Variants in RIMS2 observed in about 807,000 individuals in gnomAD.
RIMS2 encodes the protein regulating synaptic membrane exocytosis 2, also known as regulating synaptic membrane exocytosis protein 2.
RIMS2 carries 59 observed loss-of-function variants against 174.4 expected under a neutral mutation model. The ratio of observed to expected loss-of-function variants is 0.34; its 90% confidence interval spans 0.27 to 0.42. RIMS2 has a LOEUF of 0.42. Ranked by LOEUF, RIMS2 falls within the 10% of genes least tolerant of loss-of-function variation. The pLI is 1.00. For missense variants in RIMS2, 1,620 were observed against 1,666.3 expected (o/e 0.97, Z 0.48); for synonymous variants, 606 against 572.5 (o/e 1.06, Z -0.84).
chr8:103,895,960 G>C (rs1474499708), intron 4 of RIMS2, among the ~76,000 whole-genome samples: 1 of 151,498 alleles, frequency 6.6e-6, no homozygotes, highest in East Asian at 1.9e-4. Flanking sequence ...TTTAATGTTT[G>C]TGTGGTATAC....
chr8:103,769,160 G>A, intron 3 of RIMS2: 1 of 159,738 alleles, frequency 6.3e-6, no homozygotes. Context: ...GGGTTAGTAA[G>A]AATAAAATGA....
At chr8:103,773,702 C>T (rs1197643722) in intron 3 of RIMS2, among the ~76,000 whole-genome samples, 1 of 152,018 alleles carries the variant, frequency 6.6e-6, no homozygotes, top group Non-Finnish European at 1.5e-5. Context: ...TGCACTCCAG[C>T]CTGGGCGACA....
chr8:103,544,888 A>C (rs1844288554), intron 1 of RIMS2, among the ~76,000 whole-genome samples: 1 of 152,180 alleles, frequency 6.6e-6, no homozygotes, highest in South Asian at 2.1e-4. Context: ...AGAAAAAAAA[A>C]CACATCCAAA....
chr8:103,797,196 A>C (rs907948115), intron 3 of RIMS2, among the ~76,000 whole-genome samples: 1 of 152,064 alleles, frequency 6.6e-6, no homozygotes, highest in African/African-American at 2.4e-5. Context: ...TCAAAGCCTA[A>C]CTCAAGTATT....
chr8:103,756,960 C>G (rs929626991), intron 2 of RIMS2, among the ~76,000 whole-genome samples: 3 of 147,410 alleles, frequency 2.0e-5, no homozygotes, highest in African/African-American at 5.0e-5. Context: ...TTCATCCTTT[C>G]TCGTATGTGT....
At chr8:104,049,424 TCAAAAAA>T (rs1417145581) in intron 19 of RIMS2, among the ~76,000 whole-genome samples, 1 of 151,828 alleles carries the variant, frequency 6.6e-6, no homozygotes, top group Admixed American at 6.6e-5. Flanking sequence ...AGACTCCATC[TCAAAAAA>T]CAAAAAACAA....
At chr8:104,160,705 C>G (rs1446248888) in intron 19 of RIMS2, among the ~76,000 whole-genome samples, 1 of 152,094 alleles carries the variant, frequency 6.6e-6, no homozygotes, top group Non-Finnish European at 1.5e-5. Context: ...TACATTTATT[C>G]ATTAAATAAA....
intron 19 of RIMS2, among the ~76,000 whole-genome samples, chr8:104,182,906 TTGA>T (rs2098948355): frequency 6.6e-6 from 1 of 151,782 alleles, no homozygotes; most frequent in Admixed American, 6.6e-5. Context: ...TTTACAAATA[TTGA>T]TGATTATTTA....
chr8:104,059,646 C>T (rs1449097140), intron 19 of RIMS2, among the ~76,000 whole-genome samples: 1 of 145,430 alleles, frequency 6.9e-6, no homozygotes, highest in Non-Finnish European at 1.5e-5. Context: ...CTGTCTTGTG[C>T]CAGTTTTCAA....
intron 19 of RIMS2, among the ~76,000 whole-genome samples, chr8:104,113,212 G>A (rs955329772): frequency 6.6e-6 from 1 of 152,064 alleles, no homozygotes; most frequent in East Asian, 1.9e-4. Context: ...AACACTGGGG[G>A]AGCTTTTTAA....
chr8:104,124,016 A>T (rs556634425), intron 19 of RIMS2, among the ~76,000 whole-genome samples: 1 of 152,198 alleles, frequency 6.6e-6, no homozygotes, highest in African/African-American at 2.4e-5. Flanking sequence ...CTGTGCAATT[A>T]CACCAACTGC....
At chr8:104,059,467 G>C (rs1473376797) in intron 19 of RIMS2, among the ~76,000 whole-genome samples, 2 of 150,846 alleles carry the variant, frequency 1.3e-5, no homozygotes, top group Admixed American at 1.3e-4. Flanking sequence ...AGGAGATTTT[G>C]GGCTGAGACA....
chr8:103,564,200 G>A (rs964660266), intron 1 of RIMS2, among the ~76,000 whole-genome samples: 1 of 152,152 alleles, frequency 6.6e-6, no homozygotes, highest in African/African-American at 2.4e-5. Flanking sequence ...TCCAAAGTGT[G>A]TTTATTTGAA....
intron 2 of RIMS2, among the ~76,000 whole-genome samples, chr8:103,710,686 T>C (rs2097293162): frequency 6.6e-6 from 1 of 152,120 alleles, no homozygotes; most frequent in South Asian, 2.1e-4. Context: ...TAATCACTAA[T>C]TTAGAAAAAA....
chr8:104,216,785 G>A (rs940703880), intron 19 of RIMS2, among the ~76,000 whole-genome samples: 1 of 152,130 alleles, frequency 6.6e-6, no homozygotes, highest in African/African-American at 2.4e-5. Context: ...AGGTAGAGGA[G>A]GATTCTATCT....
intron 3 of RIMS2, among the ~76,000 whole-genome samples, chr8:103,875,210 G>T (rs2099130248): frequency 6.6e-6 from 1 of 151,870 alleles, no homozygotes; most frequent in Non-Finnish European, 1.5e-5. Flanking sequence ...TAGTGTACCT[G>T]TCCCCTATAT....
chr8:104,064,738 A>G (rs2097073252), intron 19 of RIMS2, among the ~76,000 whole-genome samples: 2 of 152,084 alleles, frequency 1.3e-5, no homozygotes, highest in South Asian at 4.1e-4. Context: ...TACATTATAC[A>G]TTAACAGATT....
intron 19 of RIMS2, among the ~76,000 whole-genome samples, chr8:104,216,323 A>T (rs565912182): frequency 6.6e-6 from 1 of 152,306 alleles, no homozygotes; most frequent in Non-Finnish European, 1.5e-5. Context: ...GGAAATCGAG[A>T]CCAGCCTGGG....
At chr8:103,948,131 A>G (rs2084291524) in intron 14 of RIMS2, among the ~76,000 whole-genome samples, 1 of 152,220 alleles carries the variant, frequency 6.6e-6, no homozygotes, top group South Asian at 2.1e-4. Context: ...AAGTTATGCC[A>G]CAATTACATT....
Sources: allele counts gnomAD v4.1 joint callset (sites outside exome capture counted in the v4.1 genomes callset), GRCh38; gene constraint gnomAD v4.1.1; transcripts MANE v1.5; gene names NCBI Gene and HGNC (gene_info 2026-07-23, HGNC 2026-07-21).